Variants in ANKHD1 observed in about 807,000 individuals in gnomAD.
ANKHD1 encodes the protein ankyrin repeat and KH domain-containing protein 1.
In ANKHD1, 31 loss-of-function variants were observed where a neutral mutation model predicts 230.5. The ratio of observed to expected loss-of-function variants is 0.13; its 90% CI spans 0.10 to 0.18. The LOEUF (loss-of-function observed/expected upper bound fraction) is 0.18. Ranked by LOEUF, ANKHD1 falls within the 10% of genes least tolerant of loss-of-function variation. The pLI is 1.00. For synonymous variants in ANKHD1, 1,074 were observed against 1,117.6 expected (o/e 0.96, Z 0.78); for missense variants, 2,256 against 3,071.3 (o/e 0.73, Z 6.27).
At chr5:140,466,284 G>A (rs1776078808) in intron 10 of ANKHD1, among the ~76,000 whole-genome samples, 1 of 152,034 alleles carries the variant, frequency 6.6e-6, no homozygotes, top group Non-Finnish European at 1.5e-5. Context: ...CCAGCTACTT[G>A]GGAGGCTGAG....
In ANKHD1 at chr5:140,485,989, T is replaced by TAAGATAACAA; in HGVS notation, c.2142+257_2142+258insAAGATAACAA. 2.4e-6 allele frequency: 1 copy of TAAGATAACAA among 414,852 alleles called. No individual in the cohort carries two copies. Among genetic ancestry groups the TAAGATAACAA allele is most frequent in the Non-Finnish European group, 4.1e-6 (1 of 242,794 alleles). The allele number at this position is 414,852 out of a possible 1,614,324, so 25.7% of individuals were successfully genotyped here. On this transcript the variant is annotated intron_variant, in intron 13 of 33. Coordinates refer to ENST00000360839, the MANE Select transcript of ANKHD1 (RefSeq NM_017747.3). This position sits in a 1 kb window ranked among gnomAD's most constrained non-coding sequence, Gnocchi z 4.8. ...TAAACGTAAGTATTCTAAGTTGTTA[T>TAAGATAACAA]CTTATTACAACTAGGTTTTTCAGGG... is the stretch of plus-strand genomic sequence containing the variant.
In ANKHD1 at chr5:140,442,405, A is replaced by G. The variant is rs1309805986; in HGVS notation, c.913+1263A>G. On this transcript the variant is annotated intron_variant, in intron 5 of 33. Transcript: ENST00000360839. The stretch of plus-strand genomic sequence containing the variant: ...TGACACCAGAGACAATTGGAAGACA[A>G]TTTTTCCACACGTGGGGGAGGGAGG... Among the ~76,000 whole-genome samples the G allele has an allele frequency of 2.6e-5, 4 of 151,884 alleles. No homozygotes were observed. In the East Asian group the frequency reaches 7.7e-4, roughly 29 times the overall value.
Position 140,529,555 on chromosome 5 carries a change from A to C in ANKHD1, c.6609A>C (p.Thr2203=). The change falls in exon 29 of 34, where the codon ACA becomes ACC. Residue 2203 remains threonine, a synonymous_variant. Transcript: ENST00000360839. ...CAGCAAATAAGTCTTTGCCACCTAC[A>C]TTTGGCCCAGCCACACTTTTCAATC... ...INPANKSLPP[T]FGPATLFNHF... is the part of the protein sequence containing the mutation. The C allele has an allele frequency of 6.2e-7, 1 of 1,614,154 alleles. No individual in the cohort carries two copies. Among genetic ancestry groups the C allele is most frequent in the Non-Finnish European group, 8.5e-7 (1 of 1,180,024 alleles).
chr5:140,515,010 G>A (rs556389133), intron 24 of ANKHD1, among the ~76,000 whole-genome samples: 1 of 150,232 alleles, frequency 6.7e-6, no homozygotes, highest in Non-Finnish European at 1.5e-5. Context: ...GGGCGCAGTA[G>A]CTCATGCCTG....
intron 1 of ANKHD1, among the ~76,000 whole-genome samples, chr5:140,417,081 A>G (rs749981955): frequency 1.3e-5 from 2 of 152,190 alleles, no homozygotes; most frequent in East Asian, 1.9e-4. Flanking sequence ...CCCTGAAGCC[A>G]TTGAACCCAA....
chr5:140,424,965 A>G (rs1413799276), intron 1 of ANKHD1, among the ~76,000 whole-genome samples: 1 of 152,204 alleles, frequency 6.6e-6, no homozygotes, highest in African/African-American at 2.4e-5. Context: ...AAAATAGTAT[A>G]TGGAAAAGGC....
chr5:140,530,176 A>G (rs1753749956), intron 29 of ANKHD1, among the ~76,000 whole-genome samples: 1 of 151,730 alleles, frequency 6.6e-6, no homozygotes, highest in Non-Finnish European at 1.5e-5. Flanking sequence ...AGGTATAGCT[A>G]TTTGTTTTTT....
rs747800321 is a variant in ANKHD1, at chr5:140,440,218, A to G, written c.717A>G (p.Glu239=). ...RSVNEHTEEG[E]SLLCLACSAG... ...TAAATGAACATACAGAAGAAGGAGAAAGCCTGCTGTGTTTGGCTTGTTCAG... is the reference window on the plus strand; with the variant it reads ...TAAATGAACATACAGAAGAAGGAGAGAGCCTGCTGTGTTTGGCTTGTTCAG... The change falls in exon 4 of 34, where the codon GAA becomes GAG. Residue 239 remains glutamate, a synonymous_variant. Coordinates refer to ENST00000360839, the MANE Select transcript of ANKHD1 (RefSeq NM_017747.3). The G allele has an allele frequency of 6.2e-7, 1 of 1,613,544 alleles. No individual in the cohort carries two copies. The highest frequency in any genetic ancestry group is 1.1e-5 in the South Asian group (1 of 91,026).
intron 11 of ANKHD1, among the ~76,000 whole-genome samples, chr5:140,482,898 TC>T (rs1300962400): frequency 6.6e-6 from 1 of 152,166 alleles, no homozygotes; most frequent in Non-Finnish European, 1.5e-5. Flanking sequence ...ATGTGGTTGC[TC>T]CCAACTTAGA....
chr5:140,460,001 G>A (rs1002302007), intron 9 of ANKHD1, among the ~76,000 whole-genome samples: 11 of 151,876 alleles, frequency 7.2e-5, no homozygotes, highest in Admixed American at 1.3e-4. Context: ...TTCTTTCTCC[G>A]TCTAATTGTT....
intron 25 of ANKHD1, among the ~76,000 whole-genome samples, chr5:140,525,751 C>T (rs1753575346): frequency 6.6e-6 from 1 of 151,664 alleles, no homozygotes; most frequent in Admixed American, 6.6e-5. Flanking sequence ...GCCTGTAGTC[C>T]CAGCTACCCA....
intron 24 of ANKHD1, 85 bp from the exon 25 acceptor site, chr5:140,523,981 C>T (rs1449820520): frequency 2.1e-6 from 3 of 1,448,576 alleles, no homozygotes; most frequent in South Asian, 2.9e-5. Context: ...CCATGGAAAT[C>T]CCTGTGTATC....
At chr5:140,449,890 A>G (rs1774577535) in intron 7 of ANKHD1, among the ~76,000 whole-genome samples, 1 of 152,180 alleles carries the variant, frequency 6.6e-6, no homozygotes, top group Admixed American at 6.5e-5. Context: ...ACCTCAAAAT[A>G]TATTGACTCA....
chr5:140,458,798 C>T lies in ANKHD1; in HGVS notation c.1416C>T (p.Tyr472=), dbSNP rs1775411339. 6.2e-7 allele frequency: 1 copy of T among 1,613,038 alleles called. No individual in the cohort carries two copies. The highest frequency in any genetic ancestry group is 8.5e-7 in the Non-Finnish European group (1 of 1,179,708). The change falls in exon 8 of 34, where the codon TAC becomes TAT. Residue 472 remains tyrosine (Y), a synonymous_variant. Transcript: ENST00000360839. ...TTGAAGAAGTTAATGATGAAGGATA[C>T]ACTCCCTTGATGGAAGCTGCCCGGG... is the stretch of plus-strand genomic sequence containing the variant. The part of the protein sequence containing the change: ...ANLEEVNDEG[Y]TPLMEAAREG...
intron 10 of ANKHD1, among the ~76,000 whole-genome samples, chr5:140,471,484 A>G (rs559233677): frequency 2.2e-4 from 34 of 152,312 alleles, no homozygotes; most frequent in African/African-American, 7.7e-4. Context: ...GCTTCTTAAA[A>G]TCATGTAGTT....
At chr5:140,490,164 G>A (rs1418408276) in intron 14 of ANKHD1, among the ~76,000 whole-genome samples, 1 of 151,950 alleles carries the variant, frequency 6.6e-6, no homozygotes, top group Non-Finnish European at 1.5e-5. Context: ...TATATTCTGT[G>A]TCGTGTATGT....
At chr5:140,429,763 A>T (rs1561708601) in intron 1 of ANKHD1, among the ~76,000 whole-genome samples, 2 of 152,192 alleles carry the variant, frequency 1.3e-5, no homozygotes, top group Non-Finnish European at 2.9e-5. Flanking sequence ...GTAATATGAG[A>T]TATTATTATT....
chr5:140,430,190 A>G (rs1322114468), intron 1 of ANKHD1, among the ~76,000 whole-genome samples: 1 of 152,110 alleles, frequency 6.6e-6, no homozygotes, highest in Non-Finnish European at 1.5e-5. Context: ...TGTCTTTAGT[A>G]TTTCAGGAGA....
intron 15 of ANKHD1, among the ~76,000 whole-genome samples, chr5:140,503,942 T>A (rs1752429855): frequency 1.3e-5 from 2 of 152,190 alleles, no homozygotes; most frequent in African/African-American, 4.8e-5. Flanking sequence ...TTAAAAATAG[T>A]TGGACTTTCA....
Sources: allele counts gnomAD v4.1 joint callset (sites outside exome capture counted in the v4.1 genomes callset), GRCh38; gene constraint gnomAD v4.1.1; non-coding constraint Gnocchi (gnomAD v3.1); transcripts MANE v1.5; gene names NCBI Gene and HGNC (gene_info 2026-07-23, HGNC 2026-07-21).